The following GALNT2 variants were observed in gnomAD, a reference collection of about 807,000 sequenced individuals.
GALNT2 encodes the protein polypeptide N-acetylgalactosaminyltransferase 2.
GALNT2 carries 31 observed loss-of-function variants against 81.4 expected under a neutral mutation model. The ratio of observed to expected loss-of-function variants is 0.38; its 90% CI spans 0.29 to 0.51. The LOEUF (loss-of-function observed/expected upper bound fraction) is 0.51, where lower values mean the gene tolerates loss of function less well. GALNT2 is among the 20% of genes least tolerant of loss of function. The pLI is 0.87. For synonymous variants in GALNT2, 303 were observed against 287.4 expected (o/e 1.05, Z -0.55); for missense variants, 629 against 765.7 (o/e 0.82, Z 2.11).
Position 230,255,207 on chromosome 1 carries a change from C to A in GALNT2, c.1010-11C>A, listed in dbSNP as rs752308023. On this transcript the variant is annotated splice_polypyrimidine_tract_variant and intron_variant, in intron 10 of 15. Transcript: ENST00000366672. ...CTCTGTCAGTCACCTGTGTCTTGTT[C>A]ATCGTCTCAGAGATCTCGTTCCGCG... 1.2e-6 allele frequency: 2 copies of A among 1,614,194 alleles called. No homozygotes were observed. Among genetic ancestry groups the A allele is most frequent in the Non-Finnish European group, 1.7e-6 (2 of 1,180,032 alleles).
Position 230,135,339 on chromosome 1 carries a change from C to G in GALNT2, c.127-42879C>G, listed in dbSNP as rs928447135. Among the ~76,000 whole-genome samples, 19 of 152,292 alleles carry G rather than the reference C, an allele frequency of 1.2e-4. No homozygotes were observed. The East Asian group carries it at 3.7e-3, about 29-fold the overall frequency. ...TCATTTTGGGCCGATTCCTGTGGCT[C>G]TATTTTCTCTTTGTAATTCTACTTT... On this transcript the variant is annotated intron_variant, in intron 1 of 15. Coordinates refer to ENST00000366672, the MANE Select transcript of GALNT2 (RefSeq NM_004481.5).
At chr1:230,147,481 T>C (rs1485548662) in intron 1 of GALNT2, among the ~76,000 whole-genome samples, 2 of 152,252 alleles carry the variant, frequency 1.3e-5, no homozygotes, top group Non-Finnish European at 2.9e-5. Context: ...CTGAGACTGG[T>C]GTCGCCTCTC....
chr1:230,134,594 CAACCCA>C (rs1211071611), intron 1 of GALNT2, among the ~76,000 whole-genome samples: 12 of 152,178 alleles, frequency 7.9e-5, no homozygotes. Flanking sequence ...GGAGGGTATC[CAACCCA>C]GACCTGGTGG....
At chr1:230,208,016 G>A (rs190114837) in intron 3 of GALNT2, among the ~76,000 whole-genome samples, 366 of 152,188 alleles carry the variant, frequency 2.4e-3, no homozygotes, top group Non-Finnish European at 4.2e-3. Context: ...CAGGGTAATT[G>A]GGATATCCCT....
chr1:230,146,877 G>A (rs60264116), intron 1 of GALNT2, among the ~76,000 whole-genome samples: 4 of 152,092 alleles, frequency 2.6e-5, no homozygotes, highest in Non-Finnish European at 5.9e-5. Context: ...TAAGAACCAC[G>A]CAGGGTCCTG....
At position 230,279,618 on chromosome 1, in the gene GALNT2, G is replaced by C; in HGVS notation, c.*160G>C. On this transcript the variant is annotated 3_prime_UTR_variant, in exon 16 of 16. Transcript: ENST00000366672. This position sits in a 1 kb window ranked among gnomAD's most constrained non-coding sequence, Gnocchi z 4.6. ...ACTTCGGCAAGGCACGGACGACTGT[G>C]CAGACACAGCAGCGGCAAGAAGCGA... is the stretch of plus-strand genomic sequence containing the variant. The C allele has an allele frequency of 1.2e-6, 1 of 868,946 alleles. No homozygotes were observed. Among genetic ancestry groups the C allele is most frequent in the Non-Finnish European group, 1.7e-6 (1 of 579,504 alleles). The allele number at this position is 868,946 out of a possible 1,614,324, so 53.8% of individuals were successfully genotyped here. A position where few individuals can be genotyped will look rare whatever the true frequency, so the allele number is the denominator to read the frequency against.
chr1:230,126,571 G>A (rs1283418114), intron 1 of GALNT2, among the ~76,000 whole-genome samples: 4 of 152,182 alleles, frequency 2.6e-5, no homozygotes, highest in African/African-American at 9.7e-5. Context: ...GTAGAAACAT[G>A]AGCGGGAATG....
intron 1 of GALNT2, among the ~76,000 whole-genome samples, chr1:230,156,210 GGAGAGAGA>G (rs750570856): frequency 2.7e-5 from 2 of 72,820 alleles, no homozygotes; most frequent in Non-Finnish European, 7.1e-5. Flanking sequence ...AGCAGACGAG[GGAGAGAGA>G]GAGAGAGAGA....
At chr1:230,066,504 G>A (rs1571919722), upstream of GALNT2, among the ~76,000 whole-genome samples, 1 of 152,260 alleles carries the variant, frequency 6.6e-6, no homozygotes, top group Middle Eastern at 3.4e-3. Context: ...TACCTTCTCA[G>A]TTCCTACCAA....
intron 2 of GALNT2, among the ~76,000 whole-genome samples, chr1:230,179,141 G>A (rs1354815789): frequency 4.6e-5 from 7 of 151,400 alleles, no homozygotes; most frequent in Non-Finnish European, 1.0e-4. Flanking sequence ...TGGCTGGATA[G>A]CTCATTTCTT....
intron 1 of GALNT2, among the ~76,000 whole-genome samples, chr1:230,098,161 T>C (rs973840062): frequency 2.0e-5 from 3 of 152,120 alleles, no homozygotes; most frequent in African/African-American, 7.2e-5. Context: ...GTTTATGAGG[T>C]TTGAAGACAT....
chr1:230,191,011 G>A (rs1558132250), intron 2 of GALNT2, among the ~76,000 whole-genome samples: 1 of 152,146 alleles, frequency 6.6e-6, no homozygotes, highest in African/African-American at 2.4e-5. Context: ...ATCTTCCACA[G>A]GGGGCCTATT....
At chr1:230,086,690 C>T (rs776895923) in intron 1 of GALNT2, among the ~76,000 whole-genome samples, 8 of 152,158 alleles carry the variant, frequency 5.3e-5, no homozygotes, top group Admixed American at 1.3e-4. Context: ...TTTGCTGCAG[C>T]CTGAATCTCC....
chr1:230,262,569 C>A lies in GALNT2; in HGVS notation c.1137-4C>A. 5.0e-6 allele frequency: 8 copies of A among 1,612,742 alleles called. No individual in the cohort carries two copies. The highest frequency in any genetic ancestry group is 6.8e-6 in the Non-Finnish European group (8 of 1,178,828). The stretch of plus-strand genomic sequence containing the variant: ...TCACACCTCAAGATTTATTTTCTTT[C>A]TAGAAACACCCGCCGGGCAGCAGAG... On this transcript the variant is annotated splice_region_variant and splice_polypyrimidine_tract_variant and intron_variant, in intron 11 of 15. Transcript: ENST00000366672.
At chr1:230,123,749 C>T (rs1022680379) in intron 1 of GALNT2, among the ~76,000 whole-genome samples, 22 of 152,138 alleles carry the variant, frequency 1.4e-4, no homozygotes, top group African/African-American at 5.1e-4. Context: ...TGTTCTTCTC[C>T]TATATGATGG....
intron 1 of GALNT2, among the ~76,000 whole-genome samples, chr1:230,170,717 G>A (rs1370334381): frequency 6.6e-6 from 1 of 152,196 alleles, no homozygotes; most frequent in Non-Finnish European, 1.5e-5. Context: ...TTTCATCATG[G>A]TAGAAGGTGA....
intron 15 of GALNT2, among the ~76,000 whole-genome samples, chr1:230,277,256 T>A (rs1468307009): frequency 2.0e-5 from 3 of 151,898 alleles, no homozygotes; most frequent in Non-Finnish European, 4.4e-5. Flanking sequence ...AAATCTGCGC[T>A]CCCCACCCCC....
At chr1:230,205,671 C>A (rs983459204) in intron 3 of GALNT2, among the ~76,000 whole-genome samples, 2 of 152,070 alleles carry the variant, frequency 1.3e-5, no homozygotes, top group Admixed American at 6.6e-5. Context: ...GTGTTGAGGC[C>A]GAAGCTGTGT....
chr1:230,071,083 C>G (rs1659356715), intron 1 of GALNT2, among the ~76,000 whole-genome samples: 1 of 152,108 alleles, frequency 6.6e-6, no homozygotes, highest in Non-Finnish European at 1.5e-5. Context: ...ACTGCTATCT[C>G]TAAAAGAGGA....
Sources: gnomAD v4.1 joint callset for allele counts (sites outside exome capture counted in the v4.1 genomes callset) on GRCh38, gnomAD v4.1.1 for gene constraint, Gnocchi (gnomAD v3.1) non-coding constraint, MANE v1.5 for transcripts, NCBI Gene and HGNC (gene_info 2026-07-23, HGNC 2026-07-21) for gene names.